COL4A6: variants seen among roughly 807,000 people sequenced by gnomAD.
The protein encoded by COL4A6 is collagen type IV alpha 6 chain, also known as collagen alpha-6(IV) chain.
A neutral mutation model predicts 126.7 loss-of-function variants in COL4A6; 59 were observed. That is an observed-to-expected ratio of 0.47 (90% CI 0.38 to 0.58). The LOEUF is 0.58. COL4A6 is among the 20% of genes least tolerant of loss of function. COL4A6 has a pLI of 0.00. For synonymous variants in COL4A6, 547 were observed against 496.6 expected, an observed-to-expected ratio of 1.10 and a Z score of -1.35; for missense variants, 1,285 against 1,337.3, an observed-to-expected ratio of 0.96 and a Z score of 0.61.
At chrX:108,162,641 A>G (rs1034079478) in intron 41 of COL4A6, among the ~76,000 whole-genome samples, 1 of 111,072 alleles carries the variant, frequency 9.0e-6, no homozygotes, top group African/African-American at 3.3e-5. Flanking sequence ...GCAGCACATT[A>G]GAGAGGGGCG....
In COL4A6 at chrX:108,176,847, G is replaced by A; in HGVS notation, c.2680C>T (p.Pro894Ser). ...CACTGATCACTTCACTTACCCTTGG[G>A]TCCAGAGAGGGCTGGCAACCCAGCG... ...GVAGLPALSG[P>S]KGEKGSVGFV... The change falls in exon 28 of 45, where the codon CCC becomes TCC. Residue 894 changes from proline to serine, a missense_variant. Transcript: ENST00000334504. The A allele has an allele frequency of 8.3e-7, 1 of 1,206,836 alleles. No homozygotes were observed. Among genetic ancestry groups the A allele is most frequent in the Non-Finnish European group, 1.1e-6 (1 of 893,875 alleles).
chrX:108,231,004 A>C (rs902973476), intron 3 of COL4A6, among the ~76,000 whole-genome samples: 1 of 112,058 alleles, frequency 8.9e-6, no homozygotes, highest in Non-Finnish European at 1.9e-5. Flanking sequence ...TTTGTGGCCC[A>C]AGAAGTTTTG....
At chrX:108,385,965 A>G (rs1230572557) in intron 2 of COL4A6, among the ~76,000 whole-genome samples, 8 of 109,209 alleles carry the variant, frequency 7.3e-5, no homozygotes, top group Non-Finnish European at 1.5e-4. Flanking sequence ...GAGAACATGC[A>G]GTGTTTGGTT....
At chrX:108,239,971 G>A (rs1023497851) in intron 3 of COL4A6, among the ~76,000 whole-genome samples, 1 of 111,760 alleles carries the variant, frequency 8.9e-6, no homozygotes, top group African/African-American at 3.3e-5. Context: ...GGCTGGGTGT[G>A]GTGGCTCACA....
chrX:108,304,472 C>A (rs966363106), intron 3 of COL4A6, among the ~76,000 whole-genome samples: 5 of 111,330 alleles, frequency 4.5e-5, no homozygotes, highest in African/African-American at 6.5e-5. Flanking sequence ...TTACTTCCCC[C>A]CTCCCACAAG....
intron 3 of COL4A6, among the ~76,000 whole-genome samples, chrX:108,236,229 G>T (rs145068562): frequency 9.0e-6 from 1 of 111,639 alleles, no homozygotes; most frequent in African/African-American, 3.3e-5. Flanking sequence ...TTTGGCCTGA[G>T]AACCAAGCAG....
chrX:108,191,456 C>T lies in COL4A6; in HGVS notation c.1258G>A (p.Gly420Arg), dbSNP rs1386826366. 2.5e-6 allele frequency: 3 copies of T among 1,209,756 alleles called. No individual in the cohort carries two copies. Among genetic ancestry groups the T allele is most frequent in the African/African-American group, 1.8e-5 (1 of 57,132 alleles). ...TCTCTGCCAGGGAGGCCAGCTGCTCCAATTGTGGTACGGCCTGGGTTTCCT... is the reference window on the plus strand; with the variant it reads ...TCTCTGCCAGGGAGGCCAGCTGCTCTAATTGTGGTACGGCCTGGGTTTCCT... Reference protein sequence around the residue: ...DQGNPGRTTIGAAGLPGRDGL... With the variant: ...DQGNPGRTTIRAAGLPGRDGL... Residue 420 changes from glycine to arginine, a missense_variant, in exon 19 of 45, where the codon GGA becomes AGA. Transcript: ENST00000334504.
intron 6 of COL4A6, among the ~76,000 whole-genome samples, chrX:108,212,705 C>T (rs2035746927): frequency 9.1e-6 from 1 of 110,335 alleles, no homozygotes; most frequent in Non-Finnish European, 1.9e-5. Context: ...TTCTTGTGGC[C>T]ACTACTGTCT....
At chrX:108,333,297 C>T (rs753800348) in intron 2 of COL4A6, among the ~76,000 whole-genome samples, 2 of 111,110 alleles carry the variant, frequency 1.8e-5, no homozygotes, top group African/African-American at 6.5e-5. Context: ...ACCACATAAA[C>T]AGAATTAAAA....
At chrX:108,168,619 T>C (rs927161760) in intron 37 of COL4A6, among the ~76,000 whole-genome samples, 3 of 112,232 alleles carry the variant, frequency 2.7e-5, no homozygotes, top group Admixed American at 1.9e-4. Flanking sequence ...TCTTACCTCG[T>C]TCCTCATTGA....
intron 41 of COL4A6, 108 bp downstream of exon 41, chrX:108,162,784 G>T: frequency 1.2e-6 from 1 of 861,487 alleles, no homozygotes; most frequent in Non-Finnish European, 1.6e-6. Flanking sequence ...AAGGAAGAGA[G>T]GCAACGCTTG....
intron 2 of COL4A6, chrX:108,383,521 T>G: frequency 4.5e-6 from 2 of 440,022 alleles, no homozygotes. Context: ...TTGGGTGTTT[T>G]TGCATTCCTG....
intron 5 of COL4A6, among the ~76,000 whole-genome samples, chrX:108,218,338 G>C: frequency 8.9e-6 from 1 of 112,363 alleles, no homozygotes; most frequent in Admixed American, 9.4e-5. Flanking sequence ...AGGGGCATAG[G>C]AACACAGCCA....
chrX:108,304,770 C>A (rs1040446394), intron 3 of COL4A6, among the ~76,000 whole-genome samples: 2 of 111,695 alleles, frequency 1.8e-5, no homozygotes, highest in Non-Finnish European at 3.8e-5. Context: ...CCAGAGAAAA[C>A]CATCGAAATC....
intron 2 of COL4A6, among the ~76,000 whole-genome samples, chrX:108,401,679 A>G (rs1047680631): frequency 2.7e-5 from 3 of 111,395 alleles, no homozygotes; most frequent in African/African-American, 6.5e-5. Context: ...ATCAGGCAAC[A>G]TAAGTTTTAT....
chrX:108,402,784 A>C (rs1471247557), intron 2 of COL4A6, among the ~76,000 whole-genome samples: 2 of 111,128 alleles, frequency 1.8e-5, no homozygotes, highest in Non-Finnish European at 1.9e-5. Context: ...TGTTGACGTC[A>C]TATGGTTAGA....
chrX:108,162,413 AGAG>A (rs1210264426), intron 41 of COL4A6, among the ~76,000 whole-genome samples: 1 of 105,742 alleles, frequency 9.5e-6, no homozygotes, highest in African/African-American at 3.4e-5. Flanking sequence ...AAGAAGAAGA[AGAG>A]GAAGAAGAAG....
intron 2 of COL4A6, among the ~76,000 whole-genome samples, chrX:108,349,845 C>T (rs960941726): frequency 9.8e-5 from 11 of 111,791 alleles, no homozygotes; most frequent in African/African-American, 3.6e-4. Context: ...GGGGGCCTAA[C>T]ATTTATTTTC....
intron 2 of COL4A6, among the ~76,000 whole-genome samples, chrX:108,364,545 A>C (rs2040156239): frequency 9.0e-6 from 1 of 111,067 alleles, no homozygotes; most frequent in African/African-American, 3.3e-5. Context: ...AACAATGTGC[A>C]TTGTACCCAT....
Sources: allele counts gnomAD v4.1 joint callset (sites outside exome capture counted in the v4.1 genomes callset), GRCh38; gene constraint gnomAD v4.1.1; transcripts MANE v1.5; gene names NCBI Gene and HGNC (gene_info 2026-07-23, HGNC 2026-07-21).